RTN1: variants seen among roughly 807,000 people sequenced by gnomAD.
RTN1 encodes reticulon 1, also known as reticulon-1.
RTN1 carries 25 observed loss-of-function variants against 65.5 expected under a neutral mutation model. That is an observed-to-expected ratio of 0.38 (90% confidence interval 0.28 to 0.53). The LOEUF is 0.53. Among genes scored for constraint, RTN1 ranks in the 20% least tolerant of loss-of-function variants. The pLI is 0.79. For missense variants in RTN1, 983 were observed against 1,025.4 expected, an observed-to-expected ratio of 0.96 and a Z score of 0.57; for synonymous variants, 471 against 447.6, an observed-to-expected ratio of 1.05 and a Z score of -0.66.
chr14:59,815,290 C>G (rs544390290), intron 1 of RTN1, among the ~76,000 whole-genome samples: 1 of 152,298 alleles, frequency 6.6e-6, no homozygotes, highest in East Asian at 1.9e-4. Context: ...AAGGTGATAG[C>G]ACTGGAAGTG....
At chr14:59,781,106 C>A (rs535394117) in intron 1 of RTN1, among the ~76,000 whole-genome samples, 9 of 152,226 alleles carry the variant, frequency 5.9e-5, no homozygotes, top group African/African-American at 2.2e-4. Context: ...GAACTGGTGT[C>A]TTATCCCTGT....
intron 1 of RTN1, among the ~76,000 whole-genome samples, chr14:59,802,376 G>A (rs1482813005): frequency 2.0e-5 from 3 of 152,140 alleles, no homozygotes; most frequent in Non-Finnish European, 2.9e-5. Context: ...AAAAATACAT[G>A]GCACTAGGCT....
chr14:59,648,267 C>A (rs191638254), intron 3 of RTN1, among the ~76,000 whole-genome samples: 54 of 152,258 alleles, frequency 3.5e-4, no homozygotes, highest in African/African-American at 1.3e-3. Context: ...CTGACCAGAC[C>A]AATAATGAGC....
At chr14:59,685,769 C>G (rs1883834419) in intron 3 of RTN1, among the ~76,000 whole-genome samples, 1 of 152,154 alleles carries the variant, frequency 6.6e-6, no homozygotes. Flanking sequence ...TCAACACAAT[C>G]CCTGTCAAAA....
chr14:59,691,983 T>C (rs536046585), intron 3 of RTN1, among the ~76,000 whole-genome samples: 1 of 152,142 alleles, frequency 6.6e-6, no homozygotes, highest in East Asian at 1.9e-4. Flanking sequence ...CAACATCATA[T>C]TGAACAGGCA....
intron 1 of RTN1, among the ~76,000 whole-genome samples, chr14:59,817,107 T>C (rs1017188211): frequency 1.3e-5 from 2 of 151,812 alleles, no homozygotes; most frequent in African/African-American, 4.8e-5. Flanking sequence ...ATTCAGGAAA[T>C]TGTTACTAAG....
chr14:59,672,937 G>A (rs1883542957), intron 3 of RTN1, among the ~76,000 whole-genome samples: 1 of 152,168 alleles, frequency 6.6e-6, no homozygotes, highest in African/African-American at 2.4e-5. Flanking sequence ...ACCGCGCCCG[G>A]CCAAGATATT....
chr14:59,723,907 G>A (rs1332816248), intron 3 of RTN1, among the ~76,000 whole-genome samples: 1 of 152,098 alleles, frequency 6.6e-6, no homozygotes, highest in Non-Finnish European at 1.5e-5. Flanking sequence ...TGAACCCAAC[G>A]GCACACTCTA....
intron 1 of RTN1, among the ~76,000 whole-genome samples, chr14:59,808,869 G>C (rs898245193): frequency 5.3e-5 from 8 of 151,988 alleles, no homozygotes; most frequent in South Asian, 2.1e-4. Flanking sequence ...CTTCCCCTTT[G>C]CCTTCCTCAA....
chr14:59,831,354 C>T (rs1217475827), intron 1 of RTN1, among the ~76,000 whole-genome samples: 1 of 152,212 alleles, frequency 6.6e-6, no homozygotes, highest in African/African-American at 2.4e-5. Flanking sequence ...GCTAACCCTC[C>T]CTCAAGTAAG....
Position 59,819,428 on chromosome 14 carries a change from CCCCA to C in RTN1, c.241+50958_241+50961del, listed in dbSNP as rs1566737524. On this transcript the variant is annotated intron_variant, in intron 1 of 8. Transcript: ENST00000267484. ...ACACCACCACCACCCCCCCCCCACC[CCCCA>C]CCCCCCCCCCCCGGCCACAGCTAGA... Among the ~76,000 whole-genome samples the C allele has an allele frequency of 3.7e-3, 53 of 14,456 alleles. 9 individuals are homozygous for C. The highest frequency in any genetic ancestry group is 0.011 in the South Asian group (3 of 264). 9.5% of individuals were successfully genotyped at this position (14,456 alleles called of 152,430 possible). A position where few individuals can be genotyped will look rare whatever the true frequency, so the allele number is the denominator to read the frequency against.
chr14:59,792,914 T>A (rs1030343461), intron 1 of RTN1, among the ~76,000 whole-genome samples: 2 of 152,180 alleles, frequency 1.3e-5, no homozygotes, highest in African/African-American at 4.8e-5. Context: ...TGTTTTTCAT[T>A]GTGTCATGCT....
chr14:59,622,742 ATCT>A (rs1471187003), intron 3 of RTN1, among the ~76,000 whole-genome samples: 1 of 152,244 alleles, frequency 6.6e-6, no homozygotes, highest in African/African-American at 2.4e-5. Flanking sequence ...CAAAGATGAC[ATCT>A]TCTAGTCATG....
intron 1 of RTN1, among the ~76,000 whole-genome samples, chr14:59,842,799 T>C (rs142902551): frequency 1.8e-4 from 28 of 152,324 alleles, no homozygotes; most frequent in African/African-American, 6.7e-4. Context: ...GAGATTCCAC[T>C]ACACATCCAC....
intron 3 of RTN1, among the ~76,000 whole-genome samples, chr14:59,641,517 A>G (rs1470744564): frequency 1.3e-5 from 2 of 151,944 alleles, no homozygotes; most frequent in Admixed American, 1.3e-4. Flanking sequence ...TTACAGGTGC[A>G]TACTACCACA....
chr14:59,828,890 G>A (rs1443482279), intron 1 of RTN1, among the ~76,000 whole-genome samples: 1 of 152,172 alleles, frequency 6.6e-6, no homozygotes, highest in Non-Finnish European at 1.5e-5. Flanking sequence ...GGCAAATAAG[G>A]AATGTGGCCT....
chr14:59,844,621 T>C (rs1396564339), intron 1 of RTN1, among the ~76,000 whole-genome samples: 1 of 152,166 alleles, frequency 6.6e-6, no homozygotes, highest in Non-Finnish European at 1.5e-5. Context: ...TGTTTAATAG[T>C]TACAGAGTGA....
At chr14:59,647,412 A>G (rs929950861) in intron 3 of RTN1, among the ~76,000 whole-genome samples, 1 of 152,224 alleles carries the variant, frequency 6.6e-6, no homozygotes, top group African/African-American at 2.4e-5. Flanking sequence ...ATTAACAAGG[A>G]TATTTCAGAC....
At chr14:59,641,864 A>G (rs995564205) in intron 3 of RTN1, among the ~76,000 whole-genome samples, 2 of 152,220 alleles carry the variant, frequency 1.3e-5, no homozygotes, top group African/African-American at 4.8e-5. Flanking sequence ...ACCAAATTAT[A>G]TAACAGTTTT....
Sources: allele counts gnomAD v4.1 joint callset (sites outside exome capture counted in the v4.1 genomes callset), GRCh38; gene constraint gnomAD v4.1.1; transcripts MANE v1.5; gene names NCBI Gene and HGNC (gene_info 2026-07-23, HGNC 2026-07-21).